The following NTNG1 variants were observed in gnomAD, a reference collection of about 807,000 sequenced individuals.
NTNG1 encodes netrin-G1.
Under a neutral mutation model 54.0 loss-of-function variants are expected in NTNG1, and 16 were observed. That is an observed-to-expected ratio of 0.30 (90% CI 0.20 to 0.45). The LOEUF (loss-of-function observed/expected upper bound fraction) is 0.45, where lower values mean the gene tolerates loss of function less well. Ranked by LOEUF, NTNG1 falls within the 20% of genes least tolerant of loss-of-function variation. The pLI is 1.00. For synonymous variants in NTNG1, 255 were observed against 263.1 expected (o/e 0.97, Z 0.30); for missense variants, 530 against 678.7 (o/e 0.78, Z 2.43).
intron 3 of NTNG1, among the ~76,000 whole-genome samples, chr1:107,380,953 A>T (rs1671607105): frequency 6.6e-6 from 1 of 152,230 alleles, no homozygotes; most frequent in East Asian, 1.9e-4. Flanking sequence ...ACCCTGGAGT[A>T]TGAGTTGAAA....
chr1:107,442,958 G>C (rs970804229), intron 7 of NTNG1, among the ~76,000 whole-genome samples: 1 of 152,166 alleles, frequency 6.6e-6, no homozygotes, highest in African/African-American at 2.4e-5. Flanking sequence ...CTAGGTGTCT[G>C]AGAATATAGT....
At position 107,250,829 on chromosome 1, in the gene NTNG1, A is replaced by T. The variant is rs564734796; in HGVS notation, c.247-73453A>T. 6.6e-5 allele frequency among the ~76,000 whole-genome samples: 10 copies of T among 152,354 alleles called. No individual in the cohort carries two copies. The South Asian group carries it at 2.1e-3, about 32-fold the overall frequency. ...GCTGAAAGCAGCCAACCCGCCAGGC[A>T]ACTGGTGGAGTGGGTGTCTTGGTTC... On this transcript the variant is annotated intron_variant, in intron 2 of 7. Transcript: ENST00000370068.
At chr1:107,209,608 C>G (rs901546564) in intron 2 of NTNG1, among the ~76,000 whole-genome samples, 15 of 152,146 alleles carry the variant, frequency 9.9e-5, no homozygotes, top group African/African-American at 3.6e-4. Context: ...CATCCTCCCT[C>G]CCACATTAAT....
At chr1:107,350,637 A>G (rs1175343061) in intron 3 of NTNG1, among the ~76,000 whole-genome samples, 1 of 152,232 alleles carries the variant, frequency 6.6e-6, no homozygotes, top group Non-Finnish European at 1.5e-5. Context: ...TAATGCATAT[A>G]TACAATGTGA....
chr1:107,315,345 C>G (rs759378247), intron 2 of NTNG1, among the ~76,000 whole-genome samples: 50 of 152,136 alleles, frequency 3.3e-4, no homozygotes, highest in Admixed American at 8.5e-4. Context: ...CTGCCTACCC[C>G]CTTAGGATCC....
chr1:107,340,086 G>A (rs955250442), intron 3 of NTNG1, among the ~76,000 whole-genome samples: 1 of 151,952 alleles, frequency 6.6e-6, no homozygotes, highest in South Asian at 2.1e-4. Context: ...TTTCGTCAAG[G>A]TTATTTCTAA....
At chr1:107,273,183 G>T (rs978272499) in intron 2 of NTNG1, among the ~76,000 whole-genome samples, 1 of 152,114 alleles carries the variant, frequency 6.6e-6, no homozygotes, top group African/African-American at 2.4e-5. Context: ...CATCAAGGTA[G>T]GGGGGTCCTG....
intron 2 of NTNG1, among the ~76,000 whole-genome samples, chr1:107,212,596 T>C (rs1269959369): frequency 1.3e-5 from 2 of 152,186 alleles, no homozygotes; most frequent in Admixed American, 1.3e-4. Context: ...TAGACACTTC[T>C]TGTTTTCTTA....
At chr1:107,286,961 A>G (rs984455698) in intron 2 of NTNG1, among the ~76,000 whole-genome samples, 1 of 152,162 alleles carries the variant, frequency 6.6e-6, no homozygotes, top group Non-Finnish European at 1.5e-5. Context: ...TATCCTTCAC[A>G]CATCTGTACA....
chr1:107,199,723 C>T (rs1055132353), intron 2 of NTNG1, among the ~76,000 whole-genome samples: 1 of 151,906 alleles, frequency 6.6e-6, no homozygotes, highest in Admixed American at 6.6e-5. Context: ...CAGTCCTCCT[C>T]TCGCGTAGAT....
intron 7 of NTNG1, among the ~76,000 whole-genome samples, chr1:107,461,075 T>A (rs1677253993): frequency 6.6e-6 from 1 of 152,342 alleles, no homozygotes; most frequent in South Asian, 2.1e-4. Flanking sequence ...ATTTATTCAA[T>A]ACATGTGTAA....
intron 2 of NTNG1, among the ~76,000 whole-genome samples, chr1:107,267,251 GTCA>G (rs1663809382): frequency 2.0e-5 from 3 of 152,136 alleles, no homozygotes; most frequent in Non-Finnish European, 2.9e-5. Flanking sequence ...ACAATGCCTG[GTCA>G]TCATAAGACT....
At chr1:107,341,274 T>G (rs1668882269) in intron 3 of NTNG1, among the ~76,000 whole-genome samples, 1 of 152,150 alleles carries the variant, frequency 6.6e-6, no homozygotes, top group Non-Finnish European at 1.5e-5. Context: ...GGACCGAGTT[T>G]ATATTAATTC....
At chr1:107,390,949 C>T (rs148472053) in intron 3 of NTNG1, among the ~76,000 whole-genome samples, 65 of 152,288 alleles carry the variant, frequency 4.3e-4, no homozygotes, top group Non-Finnish European at 8.1e-4. Flanking sequence ...TAGGAGCACA[C>T]AGAAAAGGCA....
At chr1:107,361,374 C>CATATATATAT (rs1553232701) in intron 3 of NTNG1, among the ~76,000 whole-genome samples, 1,249 of 87,752 alleles carry the variant, frequency 0.014, 18 homozygotes, top group East Asian at 0.046. Flanking sequence ...TATATATATA[C>CATATATATAT]ATATATATAT....
Position 107,436,778 on chromosome 1 carries a change from T to G in NTNG1, c.1369T>G (p.Ser457Ala). The G allele has an allele frequency of 6.2e-7, 1 of 1,613,162 alleles. No individual in the cohort carries two copies. The highest frequency in any genetic ancestry group is 1.7e-5 in the Admixed American group (1 of 59,966). Reference sequence around the variant, plus strand: ...GTGTGATGAGTGTCTGCCGGGAAATTCCTGGCACTACGGCTGTCAACGTAA... The same window carrying G: ...GTGTGATGAGTGTCTGCCGGGAAATGCCTGGCACTACGGCTGTCAACGTAA... ...PKCDECLPGN[S>A]WHYGCQPNVC... Residue 457 changes from serine to alanine, a missense_variant, in exon 7 of 8, where the codon TCC (serine) becomes GCC (alanine). Around this residue, in one of 2 missense-constraint regions of NTNG1, gnomAD observed 212 missense variants for 213.6 expected, o/e 0.99. Coordinates refer to ENST00000370068, the MANE Select transcript of NTNG1 (RefSeq NM_001113226.3).
intron 6 of NTNG1, among the ~76,000 whole-genome samples, chr1:107,436,124 A>G (rs1285483066): frequency 6.6e-6 from 1 of 152,236 alleles, no homozygotes; most frequent in Non-Finnish European, 1.5e-5. Flanking sequence ...TGCCTAGCAA[A>G]TACAACATCT....
intron 2 of NTNG1, among the ~76,000 whole-genome samples, chr1:107,165,357 TA>T (rs1354972203): frequency 6.6e-6 from 1 of 152,192 alleles, no homozygotes; most frequent in Non-Finnish European, 1.5e-5. Flanking sequence ...ACTTTATTAT[TA>T]AAATTCCTAC....
chr1:107,158,022 C>T (rs1655129266), intron 2 of NTNG1, among the ~76,000 whole-genome samples: 1 of 152,048 alleles, frequency 6.6e-6, no homozygotes, highest in South Asian at 2.1e-4. Flanking sequence ...CATCTGAGTG[C>T]CTGCTTCTGT....
Sources: gnomAD v4.1 joint callset for allele counts (sites outside exome capture counted in the v4.1 genomes callset) on GRCh38, gnomAD v4.1.1 for gene constraint, gnomAD v4.1.1 regional missense constraint, MANE v1.5 for transcripts, NCBI Gene and HGNC (gene_info 2026-07-23, HGNC 2026-07-21) for gene names.